Variants in AGBL1 observed in about 807,000 individuals in gnomAD.
AGBL1 encodes the protein AGBL carboxypeptidase 1, also known as cytosolic carboxypeptidase 4.
Under a neutral mutation model 118.9 loss-of-function variants are expected in AGBL1, and 130 were observed. That is an observed-to-expected ratio of 1.09 (90% CI 0.95 to 1.26). The LOEUF (loss-of-function observed/expected upper bound fraction) is 1.26. AGBL1 is among the 50% of genes most tolerant of loss of function. AGBL1 has a pLI of 0.00. For missense variants in AGBL1, 1,584 were observed against 1,298.1 expected (o/e 1.22, Z -3.38); for synonymous variants, 555 against 478.9 (o/e 1.16, Z -2.08).
intron 17 of AGBL1, among the ~76,000 whole-genome samples, chr15:86,379,312 T>A (rs2081081628): frequency 6.6e-6 from 1 of 152,210 alleles, no homozygotes; most frequent in African/African-American, 2.4e-5. Context: ...CAGAATATGA[T>A]AATATTATTA....
intron 1 of AGBL1, chr15:86,107,564 A>G (rs1356019652): frequency 1.3e-5 from 2 of 152,210 alleles, no homozygotes; most frequent in Non-Finnish European, 2.9e-5. Flanking sequence ...AGCAGAAGCA[A>G]TGTCAAATCT....
intron 9 of AGBL1, among the ~76,000 whole-genome samples, chr15:86,258,243 A>G (rs544636265): frequency 1.7e-4 from 26 of 152,312 alleles, no homozygotes; most frequent in Admixed American, 1.4e-3. Flanking sequence ...ACAATGTCTC[A>G]TTATAAAGTC....
intron 23 of AGBL1, among the ~76,000 whole-genome samples, chr15:86,986,715 T>G (rs2701417): frequency 0.81 from 123,953 of 152,090 alleles, 51,118 homozygotes; most frequent in South Asian, 0.95. Context: ...TATTTGTGTT[T>G]ATTTTATTAA....
chr15:86,400,297 G>A (rs550999456), intron 18 of AGBL1, among the ~76,000 whole-genome samples: 2 of 151,988 alleles, frequency 1.3e-5, no homozygotes, highest in Admixed American at 1.3e-4. Context: ...CCCCTCATCC[G>A]TGCCTGAATT....
chr15:86,408,379 G>A (rs1033476115), intron 18 of AGBL1, among the ~76,000 whole-genome samples: 4 of 152,180 alleles, frequency 2.6e-5, no homozygotes, highest in Non-Finnish European at 5.9e-5. Flanking sequence ...AGCTCCTGCT[G>A]TAACATCTCT....
chr15:86,284,891 T>C (rs1297451179), intron 16 of AGBL1, among the ~76,000 whole-genome samples: 1 of 152,196 alleles, frequency 6.6e-6, no homozygotes, highest in African/African-American at 2.4e-5. Context: ...CTTGATATTG[T>C]TCACAGACAG....
At chr15:86,391,910 C>T (rs1213188732) in intron 17 of AGBL1, among the ~76,000 whole-genome samples, 1 of 152,006 alleles carries the variant, frequency 6.6e-6, no homozygotes, top group East Asian at 1.9e-4. Flanking sequence ...CTTTTCTTTA[C>T]TTGGCAAACA....
At chr15:86,647,584 C>G (rs1258970431) in intron 21 of AGBL1, among the ~76,000 whole-genome samples, 2 of 152,044 alleles carry the variant, frequency 1.3e-5, no homozygotes, top group East Asian at 3.9e-4. Flanking sequence ...ACCTGTAACC[C>G]CAGCTACTCG....
At chr15:86,200,622 C>CTT (rs36103083) in intron 5 of AGBL1, among the ~76,000 whole-genome samples, 1 of 81,990 alleles carries the variant, frequency 1.2e-5, no homozygotes, top group Non-Finnish European at 2.3e-5. Flanking sequence ...TTTTCTTTTT[C>CTT]TTTTTTTTTT....
In AGBL1 at chr15:86,674,271, A is replaced by G; in HGVS notation, c.2995-2A>G. ...ACAGTTAATGCTTTGTTTAACTGGC[A>G]GGGTCTACAGTTTGGTACCAGAGAA... On this transcript the variant is annotated splice_acceptor_variant, in intron 21 of 22. Coordinates refer to ENST00000614907, the MANE Select transcript of AGBL1 (RefSeq NM_001386094.1). LOFTEE classifies it high-confidence loss of function. 1 of 1,606,744 alleles carries G rather than the reference A, an allele frequency of 6.2e-7. No individual in the cohort carries two copies. The highest frequency in any genetic ancestry group is 8.5e-7 in the Non-Finnish European group (1 of 1,175,320).
chr15:86,949,644 C>T (rs531011342), intron 23 of AGBL1, among the ~76,000 whole-genome samples: 1 of 152,194 alleles, frequency 6.6e-6, no homozygotes, highest in African/African-American at 2.4e-5. Flanking sequence ...AATCATAAAA[C>T]TGCTAATGTT....
chr15:86,364,956 CACATATATATATAT>C lies in AGBL1; in HGVS notation c.2375-32408_2375-32395del, dbSNP rs1187364800. On this transcript the variant is annotated intron_variant, in intron 17 of 22. Coordinates refer to ENST00000614907, the MANE Select transcript of AGBL1 (RefSeq NM_001386094.1). Reference sequence around the variant, plus strand: ...AGGAGCCGCATTGATTTATATGTCACACATATATATATATATATATATATATATATATACACACA... The same window carrying C: ...AGGAGCCGCATTGATTTATATGTCACATATATATATATATATATACACACA... Among the ~76,000 whole-genome samples the C allele has an allele frequency of 1.2e-4, 11 of 89,582 alleles. 1 individual carries two copies. The highest frequency in any genetic ancestry group is 7.3e-4 in the African/African-American group (11 of 15,106). 58.8% of individuals were successfully genotyped at this position (89,582 alleles called of 152,430 possible).
At chr15:86,680,824 C>A (rs1419182408) in intron 22 of AGBL1, among the ~76,000 whole-genome samples, 1 of 152,016 alleles carries the variant, frequency 6.6e-6, no homozygotes, top group Non-Finnish European at 1.5e-5. Context: ...ACCTCAGCCT[C>A]CCAAAGTGCT....
At chr15:86,992,818 G>A (rs956684696) in intron 24 of AGBL1, among the ~76,000 whole-genome samples, 2 of 151,736 alleles carry the variant, frequency 1.3e-5, no homozygotes, top group Non-Finnish European at 2.9e-5. Flanking sequence ...GCTATCTGGT[G>A]CATACTAAAA....
intron 4 of AGBL1, among the ~76,000 whole-genome samples, chr15:86,156,794 C>CTTTTTTTTTTTTTTTTTTTTTTT (rs773611214): frequency 9.5e-6 from 1 of 105,564 alleles, no homozygotes; most frequent in African/African-American, 3.3e-5. Flanking sequence ...TCTTTTCTTT[C>CTTTTTTTTTTTTTTTTTTTTTTT]TTTTTTTTTT....
intron 18 of AGBL1, among the ~76,000 whole-genome samples, chr15:86,467,982 C>G (rs1281839413): frequency 6.6e-6 from 1 of 152,126 alleles, no homozygotes; most frequent in Non-Finnish European, 1.5e-5. Context: ...TTCACCTTTA[C>G]AGATGTTCCT....
At chr15:87,026,161 T>G (rs1325664600) in intron 24 of AGBL1, among the ~76,000 whole-genome samples, 1 of 151,940 alleles carries the variant, frequency 6.6e-6, no homozygotes, top group Non-Finnish European at 1.5e-5. Flanking sequence ...TTGTTGGGAC[T>G]TAGTTAAACT....
chr15:86,462,655 ACTC>A (rs1303057800), intron 18 of AGBL1, among the ~76,000 whole-genome samples: 1 of 151,526 alleles, frequency 6.6e-6, no homozygotes, highest in Non-Finnish European at 1.5e-5. Flanking sequence ...TCACTGTTCA[ACTC>A]CTACTTATCA....
At chr15:86,171,913 T>G (rs2077421571) in intron 5 of AGBL1, among the ~76,000 whole-genome samples, 1 of 152,234 alleles carries the variant, frequency 6.6e-6, no homozygotes, top group South Asian at 2.1e-4. Flanking sequence ...AATTGGTGAC[T>G]ATTATTCTAA....
Sources: allele counts gnomAD v4.1 joint callset (sites outside exome capture counted in the v4.1 genomes callset), GRCh38; gene constraint gnomAD v4.1.1; transcripts MANE v1.5; gene names NCBI Gene and HGNC (gene_info 2026-07-23, HGNC 2026-07-21).